SV2C: variants seen among roughly 807,000 people sequenced by gnomAD.
SV2C encodes the protein solute carrier family 22 member B3.
SV2C carries 49 observed loss-of-function variants against 79.7 expected under a neutral mutation model. The observed-to-expected ratio is 0.61, with a 90% CI of 0.49 to 0.78. The LOEUF (loss-of-function observed/expected upper bound fraction) is 0.78, where lower values mean the gene tolerates loss of function less well. SV2C is among the 30% of genes least tolerant of loss of function. SV2C has a pLI of 0.00. For missense variants in SV2C, 833 were observed against 912.9 expected (o/e 0.91, Z 1.13); for synonymous variants, 334 against 333.2 (o/e 1.00, Z -0.03).
chr5:75,912,785 T>C, the SV2C span, among the ~76,000 whole-genome samples: 6 of 152,198 alleles, frequency 3.9e-5, no homozygotes, highest in Non-Finnish European at 5.9e-5. Flanking sequence ...CAGGTGATTG[T>C]TTTAAAGTCT....
At chr5:75,934,029 A>C in the SV2C span, among the ~76,000 whole-genome samples, 1 of 152,200 alleles carries the variant, frequency 6.6e-6, no homozygotes, top group East Asian at 1.9e-4. Flanking sequence ...CTTTATAAGG[A>C]TTATCACATT....
At chr5:76,191,092 G>T (rs1398050378) in intron 2 of SV2C, among the ~76,000 whole-genome samples, 1 of 152,104 alleles carries the variant, frequency 6.6e-6, no homozygotes, top group Non-Finnish European at 1.5e-5. Flanking sequence ...GCGTGGCTGG[G>T]GAGGCCTCAG....
the SV2C span, among the ~76,000 whole-genome samples, chr5:75,933,253 A>AT: frequency 2.0e-5 from 3 of 152,006 alleles, no homozygotes; most frequent in Non-Finnish European, 1.5e-5. Flanking sequence ...ATAGCATCCT[A>AT]TTTTTTTCTT....
At position 76,158,765 on chromosome 5, in the gene SV2C, G is replaced by A. The variant is rs552840350; in HGVS notation, c.580+26435G>A. Among the ~76,000 whole-genome samples the A allele has an allele frequency of 1.7e-4, 26 of 152,080 alleles. No individual in the cohort carries two copies. In the South Asian group the frequency reaches 5.2e-3, roughly 30 times the overall value. On this transcript the variant is annotated intron_variant, in intron 2 of 12. Coordinates refer to ENST00000502798, the MANE Select transcript of SV2C (RefSeq NM_014979.4). Reference sequence around the variant, plus strand: ...TTCTTTACAAATTCTTCAAAGAATAGAAGATGAAGGAACACTTTCTAACTC... The same window carrying A: ...TTCTTTACAAATTCTTCAAAGAATAAAAGATGAAGGAACACTTTCTAACTC...
the SV2C span, among the ~76,000 whole-genome samples, chr5:76,049,828 G>C: frequency 6.6e-6 from 1 of 152,032 alleles, no homozygotes; most frequent in Admixed American, 6.5e-5. Context: ...TGTTTATTTT[G>C]TAATAAAACT....
chr5:76,065,657 C>G, the SV2C span, among the ~76,000 whole-genome samples: 8 of 152,262 alleles, frequency 5.3e-5, no homozygotes, highest in Non-Finnish European at 8.8e-5. Context: ...CACTACACAT[C>G]AATTTTTACA....
At chr5:75,983,762 C>T in the SV2C span, among the ~76,000 whole-genome samples, 1 of 152,068 alleles carries the variant, frequency 6.6e-6, no homozygotes, top group South Asian at 2.1e-4. Context: ...CCAGTAACTG[C>T]ATAGTGCCTT....
At chr5:75,984,567 A>ATCTATCTATCTATCTATATCTATCTATC in the SV2C span, among the ~76,000 whole-genome samples, 60 of 102,918 alleles carry the variant, frequency 5.8e-4, no homozygotes, top group African/African-American at 1.4e-3. Context: ...CTATCTATCT[A>ATCTATCTATCTATCTATATCTATCTATC]TATCTATCTA....
At chr5:76,275,897 G>A (rs969814287) in intron 4 of SV2C, among the ~76,000 whole-genome samples, 1 of 152,158 alleles carries the variant, frequency 6.6e-6, no homozygotes, top group African/African-American at 2.4e-5. Context: ...TCTTAACAAA[G>A]TCCAAAGGAT....
intron 1 of SV2C, among the ~76,000 whole-genome samples, chr5:76,127,800 G>T (rs1219303001): frequency 6.6e-5 from 10 of 152,158 alleles, no homozygotes; most frequent in Non-Finnish European, 1.5e-5. Flanking sequence ...GGTTATGAAA[G>T]CCTAGCACCT....
chr5:75,869,465 T>A, the SV2C span, among the ~76,000 whole-genome samples: 1 of 152,060 alleles, frequency 6.6e-6, no homozygotes, highest in African/African-American at 2.4e-5. Flanking sequence ...CATCTTGTGG[T>A]TTAAATGCCA....
At chr5:76,278,661 G>T (rs1747093135) in intron 4 of SV2C, among the ~76,000 whole-genome samples, 1 of 152,230 alleles carries the variant, frequency 6.6e-6, no homozygotes, top group Admixed American at 6.5e-5. Flanking sequence ...CAGAGAACTG[G>T]AAGCAGGTCC....
chr5:76,254,255 TATAG>T (rs1746204228), intron 4 of SV2C, among the ~76,000 whole-genome samples: 5 of 147,710 alleles, frequency 3.4e-5, no homozygotes, highest in Admixed American at 6.7e-5. Flanking sequence ...TATATATATA[TATAG>T]AGAGAGAGAG....
the SV2C span, among the ~76,000 whole-genome samples, chr5:75,871,404 G>A: frequency 6.6e-6 from 1 of 151,996 alleles, no homozygotes; most frequent in African/African-American, 2.4e-5. Context: ...ATAAATACTG[G>A]AAAATAAAAA....
the SV2C span, among the ~76,000 whole-genome samples, chr5:75,914,994 GC>G: frequency 6.6e-6 from 1 of 152,176 alleles, no homozygotes; most frequent in Non-Finnish European, 1.5e-5. Flanking sequence ...AAGAGCTTGT[GC>G]AGGGAAACTC....
At chr5:76,271,455 A>G (rs924588957) in intron 4 of SV2C, among the ~76,000 whole-genome samples, 4 of 152,216 alleles carry the variant, frequency 2.6e-5, no homozygotes, top group Non-Finnish European at 4.4e-5. Context: ...GAACAACACA[A>G]TCAACAAACT....
Position 76,300,837 on chromosome 5 carries a change from T to G in SV2C, c.1745T>G (p.Ile582Ser). 6.2e-7 allele frequency: 1 copy of G among 1,614,186 alleles called. No individual in the cohort carries two copies. Among genetic ancestry groups the G allele is most frequent in the Non-Finnish European group, 8.5e-7 (1 of 1,180,010 alleles). ...TFDDDYSAYW[I>S]YFVNFLGTLA... ...GATGATGACTATAGTGCCTACTGGA[T>G]TTATTTTGTCAACTTTCTGGGGACA... The change falls in exon 11 of 13, where the codon ATT becomes AGT. Residue 582 changes from isoleucine (I) to serine (S), a missense_variant. Ile to Ser is a moderately radical substitution (Grantham distance 142). Transcript: ENST00000502798.
chr5:76,298,672 G>T lies in SV2C; in HGVS notation c.1503-122G>T, dbSNP rs184703298. The T allele has an allele frequency of 5.1e-4, 582 of 1,141,024 alleles. 6 individuals carry two copies. The African/African-American group carries it at 7.8e-3, about 15-fold the overall frequency. 70.7% of individuals were successfully genotyped at this position (1,141,024 alleles called of 1,614,324 possible). ...GAGAGCTAAGAAAATCAAGAACTCTGTGTTCTTTATAATTAAGACAGTCCA... is the reference window on the plus strand; with the variant it reads ...GAGAGCTAAGAAAATCAAGAACTCTTTGTTCTTTATAATTAAGACAGTCCA... On this transcript the variant is annotated intron_variant, in intron 9 of 12. Transcript: ENST00000502798.
chr5:76,274,031 C>G (rs1276536809), intron 4 of SV2C, among the ~76,000 whole-genome samples: 1 of 152,218 alleles, frequency 6.6e-6, no homozygotes, highest in Admixed American at 6.5e-5. Flanking sequence ...CTGGCACTTT[C>G]GCCTTGGTAT....
Sources: allele counts gnomAD v4.1 joint callset (sites outside exome capture counted in the v4.1 genomes callset), GRCh38; gene constraint gnomAD v4.1.1; transcripts MANE v1.5; gene names NCBI Gene and HGNC (gene_info 2026-07-23, HGNC 2026-07-21).